MX2: variants seen among roughly 807,000 people sequenced by gnomAD.
MX2 encodes MX dynamin like GTPase 2.
MX2 carries 51 observed loss-of-function variants against 74.0 expected under a neutral mutation model. That is an observed-to-expected ratio of 0.69 (90% CI 0.55 to 0.87). The LOEUF is 0.87. MX2 is among the 40% of genes least tolerant of loss of function. The pLI, the probability that MX2 is intolerant of heterozygous loss-of-function variation, is 0.00. For missense variants in MX2, 832 were observed against 908.7 expected, an observed-to-expected ratio of 0.92 and a Z score of 1.09; for synonymous variants, 369 against 339.3, an observed-to-expected ratio of 1.09 and a Z score of -0.96.
intron 5 of MX2, among the ~76,000 whole-genome samples, chr21:41,387,391 G>A (rs1217132208): frequency 2.0e-5 from 3 of 152,122 alleles, no homozygotes; most frequent in Non-Finnish European, 4.4e-5. Flanking sequence ...CTGTATTCAC[G>A]GCCTCATTGT....
intron 6 of MX2, among the ~76,000 whole-genome samples, chr21:41,392,604 A>G (rs1197388860): frequency 6.6e-6 from 1 of 152,250 alleles, no homozygotes; most frequent in East Asian, 1.9e-4. Context: ...TGGTTACACA[A>G]CAATGTAAAT....
chr21:41,402,239 G>A lies in MX2; in HGVS notation c.1573+111G>A, dbSNP rs1004010229. The A allele has an allele frequency of 7.9e-6, 10 of 1,260,572 alleles. No individual in the cohort carries two copies. Among genetic ancestry groups the A allele is most frequent in the East Asian group, 2.4e-5 (1 of 41,250 alleles). 78.1% of individuals were successfully genotyped at this position (1,260,572 alleles called of 1,614,324 possible). Reference sequence around the variant, plus strand: ...AGTTACCAAACCAGCCTGCAGACACGCTCACTGGTGTGCTAGATTGCTACT... The same window carrying A: ...AGTTACCAAACCAGCCTGCAGACACACTCACTGGTGTGCTAGATTGCTACT... On this transcript the variant is annotated intron_variant, in intron 11 of 13. Transcript: ENST00000330714. This position sits in a 1 kb window ranked among gnomAD's most constrained non-coding sequence, Gnocchi z 4.5.
In MX2 at chr21:41,394,541, C is replaced by A. The variant is rs377209758; in HGVS notation, c.872-1046C>A. Among the ~76,000 whole-genome samples, 97 of 152,320 alleles carry A rather than the reference C, an allele frequency of 6.4e-4. 1 individual carries two copies. In the South Asian group the frequency reaches 0.02, roughly 31 times the overall value. On this transcript the variant is annotated intron_variant, in intron 6 of 13. Coordinates refer to ENST00000330714, the MANE Select transcript of MX2 (RefSeq NM_002463.2). ...TGCATAGCCCTTATCAATATCCATTCTTCTTTATTTCTCGTATATTACTAG... is the reference window on the plus strand; with the variant it reads ...TGCATAGCCCTTATCAATATCCATTATTCTTTATTTCTCGTATATTACTAG...
In MX2 at chr21:41,408,440, G is replaced by A. The variant is rs2089915123; in HGVS notation, c.*207G>A. 13 of 642,336 alleles carry A rather than the reference G, an allele frequency of 2.0e-5. No homozygotes were observed. The highest frequency in any genetic ancestry group is 6.4e-5 in the South Asian group (3 of 47,040). The allele number at this position is 642,336 out of a possible 1,614,324, so 39.8% of individuals were successfully genotyped here. On this transcript the variant is annotated 3_prime_UTR_variant, in exon 14 of 14. Transcript: ENST00000330714. ...CACCCAGCTCTTCCCTGACCTTCAC[G>A]AAGGGATGGCTCTCCAGTCCTTGGG...
intron 5 of MX2, among the ~76,000 whole-genome samples, chr21:41,383,496 C>G (rs189872313): frequency 1.3e-4 from 20 of 152,366 alleles, no homozygotes; most frequent in Admixed American, 6.5e-5. Flanking sequence ...CCCTGTCATG[C>G]TTTGGCAAGC....
At chr21:41,403,626 AG>A in intron 12 of MX2, 1 of 671,054 alleles carries the variant, frequency 1.5e-6, no homozygotes, top group South Asian at 1.4e-5. Context: ...GGCTCCACCG[AG>A]GACTGGCTGG....
At chr21:41,396,157 C>T (rs2089731905) in intron 7 of MX2, among the ~76,000 whole-genome samples, 1 of 152,168 alleles carries the variant, frequency 6.6e-6, no homozygotes, top group South Asian at 2.1e-4. Context: ...GGGAACAGGA[C>T]TGAACACAGA....
intron 6 of MX2, among the ~76,000 whole-genome samples, chr21:41,394,113 T>C (rs2089700231): frequency 6.6e-6 from 1 of 152,224 alleles, no homozygotes; most frequent in African/African-American, 2.4e-5. Context: ...ACCTTGCCCA[T>C]GGCAGTGCCC....
intron 2 of MX2, 34 bp from the exon 3 acceptor site, chr21:41,377,755 G>C: frequency 6.3e-7 from 1 of 1,580,870 alleles, no homozygotes. Flanking sequence ...CCTATCAGGG[G>C]TCAAGGCAGT....
Position 41,380,458 on chromosome 21 carries a change from AG to A in MX2, c.577+310del, listed in dbSNP as rs11342905. 0.023 allele frequency among the ~76,000 whole-genome samples: 3,430 copies of A among 152,110 alleles called. 155 individuals are homozygous for A. Among genetic ancestry groups the A allele is most frequent in the African/African-American group, 0.077 (3,214 of 41,478 alleles). On this transcript the variant is annotated intron_variant, in intron 4 of 13. Coordinates refer to ENST00000330714, the MANE Select transcript of MX2 (RefSeq NM_002463.2). This position sits in a 1 kb window ranked among gnomAD's most constrained non-coding sequence, Gnocchi z 4.3. ...CCAGCCCAGGCTTTCTCTACTCCAC[AG>A]GGTACTCGCCCTCTCTTCCTTCCAG... is the stretch of plus-strand genomic sequence containing the variant.
chr21:41,394,786 C>CA (rs1165760182), intron 6 of MX2, among the ~76,000 whole-genome samples: 1 of 151,950 alleles, frequency 6.6e-6, no homozygotes, highest in Non-Finnish European at 1.5e-5. Context: ...ACTAAAAATA[C>CA]AAAAATTAGC....
chr21:41,363,496 T>G lies in MX2; in HGVS notation c.-72+1441T>G, dbSNP rs894202904. On this transcript the variant is annotated intron_variant, in intron 1 of 13. Coordinates refer to ENST00000330714, the MANE Select transcript of MX2 (RefSeq NM_002463.2). The surrounding 1 kb of genome is among the most constrained non-coding windows in gnomAD (Gnocchi z 4.2). ...AGATCTTTGTCTGCCTGACTCGATA[T>G]GTATCTCAAGGACTTAGTGCTCAAT... 4 of 152,564 alleles carry G rather than the reference T, an allele frequency of 2.6e-5. No homozygotes were observed. Among genetic ancestry groups the G allele is most frequent in the African/African-American group, 9.7e-5 (4 of 41,440 alleles). 9.5% of individuals were successfully genotyped at this position (152,564 alleles called of 1,614,324 possible). A position where few individuals can be genotyped will look rare whatever the true frequency, so the allele number is the denominator to read the frequency against.
At chr21:41,369,999 T>C (rs1215212115) in intron 1 of MX2, among the ~76,000 whole-genome samples, 3 of 152,162 alleles carry the variant, frequency 2.0e-5, no homozygotes, top group Non-Finnish European at 4.4e-5. Flanking sequence ...AGTGTTTGCA[T>C]GTGGAGATTG....
chr21:41,392,672 C>T (rs971597582), intron 6 of MX2, among the ~76,000 whole-genome samples: 3 of 152,174 alleles, frequency 2.0e-5, no homozygotes, highest in African/African-American at 7.2e-5. Context: ...TTTACGTACA[C>T]TTTATTACCA....
rs1196506030 is a variant in MX2, at chr21:41,406,743, G to C, written c.1651-1G>C. 2 of 1,612,920 alleles carry C rather than the reference G, an allele frequency of 1.2e-6. No individual in the cohort carries two copies. The highest frequency in any genetic ancestry group is 2.7e-5 in the African/African-American group (2 of 74,812). Reference sequence around the variant, plus strand: ...TGTGTTTGTCTTTTTTATCTAACCAGAGCACGATTGAAGACATAAAAGTGA... The same window carrying C: ...TGTGTTTGTCTTTTTTATCTAACCACAGCACGATTGAAGACATAAAAGTGA... On this transcript the variant is annotated splice_acceptor_variant, in intron 12 of 13. Coordinates refer to ENST00000330714, the MANE Select transcript of MX2 (RefSeq NM_002463.2). LOFTEE classifies it high-confidence loss of function.
chr21:41,397,583 C>G, intron 7 of MX2, 30 bp from the exon 8 acceptor site: 2 of 1,599,020 alleles, frequency 1.3e-6, no homozygotes, highest in Non-Finnish European at 1.7e-6. Flanking sequence ...CAAGTCCTTC[C>G]TGAATGCATG....
chr21:41,404,873 C>CAAAAAAAAAAAAAAAA (rs547207365), intron 12 of MX2: 10 of 69,064 alleles, frequency 1.4e-4, no homozygotes, highest in East Asian at 3.4e-4. Context: ...CACATATACT[C>CAAAAAAAAAAAAAAAA]AAAAAAAAAA....
rs2089235087 is a variant in MX2, at chr21:41,363,499, A to G, written c.-72+1444A>G. On this transcript the variant is annotated intron_variant, in intron 1 of 13. Transcript: ENST00000330714. The surrounding 1 kb of genome is among the most constrained non-coding windows in gnomAD (Gnocchi z 4.2). ...TCTTTGTCTGCCTGACTCGATATGT[A>G]TCTCAAGGACTTAGTGCTCAATATA... 6.6e-6 allele frequency: 1 copy of G among 152,602 alleles called. No homozygotes were observed. Among genetic ancestry groups the G allele is most frequent in the Non-Finnish European group, 1.5e-5 (1 of 68,072 alleles). The allele number at this position is 152,602 out of a possible 1,614,324, so 9.5% of individuals were successfully genotyped here.
intron 1 of MX2, among the ~76,000 whole-genome samples, chr21:41,372,516 G>C (rs1312500195): frequency 6.6e-6 from 1 of 152,054 alleles, no homozygotes; most frequent in Non-Finnish European, 1.5e-5. Flanking sequence ...TCTTAATATA[G>C]TATTTAAAGC....
Sources: allele counts gnomAD v4.1 joint callset (sites outside exome capture counted in the v4.1 genomes callset), GRCh38; gene constraint gnomAD v4.1.1; non-coding constraint Gnocchi (gnomAD v3.1); transcripts MANE v1.5; gene names NCBI Gene and HGNC (gene_info 2026-07-23, HGNC 2026-07-21).